Variants in ETV1 observed in about 807,000 individuals in gnomAD.
ETV1 encodes the protein ETS translocation variant 1.
ETV1 carries 27 observed loss-of-function variants against 62.3 expected under a neutral mutation model. The observed-to-expected ratio is 0.43, with a 90% CI of 0.32 to 0.60. The LOEUF (loss-of-function observed/expected upper bound fraction) is 0.60, where lower values mean the gene tolerates loss of function less well. ETV1 is among the 20% of genes least tolerant of loss of function. The pLI is 0.06. For missense variants in ETV1, 605 were observed against 605.8 expected, an observed-to-expected ratio of 1.00 and a Z score of 0.01; for synonymous variants, 222 against 199.6, an observed-to-expected ratio of 1.11 and a Z score of -0.94.
chr7:13,967,282 C>G (rs543989377), intron 6 of ETV1, among the ~76,000 whole-genome samples: 1 of 152,224 alleles, frequency 6.6e-6, no homozygotes, highest in Non-Finnish European at 1.5e-5. Flanking sequence ...TAGGCAATAA[C>G]TAGGAGTAAC....
chr7:13,968,921 T>C (rs1448755445), intron 6 of ETV1, among the ~76,000 whole-genome samples: 1 of 152,150 alleles, frequency 6.6e-6, no homozygotes, highest in Non-Finnish European at 1.5e-5. Flanking sequence ...CAAGAGAGCC[T>C]ACTTGCAAGA....
chr7:13,897,459 G>A (rs1781966636), intron 13 of ETV1, among the ~76,000 whole-genome samples: 1 of 152,180 alleles, frequency 6.6e-6, no homozygotes, highest in Admixed American at 6.5e-5. Context: ...CCACTTTAGA[G>A]AATTCAAATA....
chr7:13,952,109 G>T (rs1315486827), intron 6 of ETV1, among the ~76,000 whole-genome samples: 2 of 152,126 alleles, frequency 1.3e-5, no homozygotes, highest in South Asian at 2.1e-4. Context: ...CCCGACAGAA[G>T]GAAAAAGCGA....
intron 9 of ETV1, 24 bp from the exon 10 acceptor site, chr7:13,911,331 C>A: frequency 3.2e-6 from 5 of 1,568,332 alleles, no homozygotes; most frequent in South Asian, 2.2e-5. Context: ...CAATATTGGT[C>A]AAAAAGAGTC....
chr7:13,938,712 A>G (rs779376494), intron 7 of ETV1, among the ~76,000 whole-genome samples: 38 of 152,344 alleles, frequency 2.5e-4, no homozygotes, highest in Non-Finnish European at 4.7e-4. Context: ...CTCATCTTAC[A>G]GATCATCTGC....
At chr7:13,900,695 G>A (rs1416595131) in intron 13 of ETV1, 43 bp downstream of exon 13, 1 of 1,323,946 alleles carries the variant, frequency 7.6e-7, no homozygotes, top group South Asian at 1.3e-5. Context: ...TCAGATTAAT[G>A]TGCAACATTT....
At chr7:13,929,060 A>G (rs1785776805) in intron 9 of ETV1, among the ~76,000 whole-genome samples, 1 of 152,266 alleles carries the variant, frequency 6.6e-6, no homozygotes, top group African/African-American at 2.4e-5. Context: ...ATTTCCACAT[A>G]AAGTTTCTTG....
At chr7:13,896,727 AAG>A (rs1195107798) in intron 13 of ETV1, among the ~76,000 whole-genome samples, 22 of 51,360 alleles carry the variant, frequency 4.3e-4, no homozygotes, top group Admixed American at 5.7e-4. Flanking sequence ...GAGAAAGAAA[AAG>A]AAAAAGAAAG....
At chr7:13,971,932 T>C (rs1396696450) in intron 6 of ETV1, among the ~76,000 whole-genome samples, 1 of 151,856 alleles carries the variant, frequency 6.6e-6, no homozygotes, top group African/African-American at 2.4e-5. Flanking sequence ...ACAACAATAG[T>C]GAAACTCCGT....
At chr7:13,964,585 A>C (rs546853308) in intron 6 of ETV1, among the ~76,000 whole-genome samples, 20 of 152,318 alleles carry the variant, frequency 1.3e-4, no homozygotes, top group Middle Eastern at 3.4e-3. Context: ...AAACGAGACA[A>C]AACCTGGCAT....
intron 6 of ETV1, among the ~76,000 whole-genome samples, chr7:13,944,463 C>A (rs1180700866): frequency 6.6e-6 from 1 of 152,134 alleles, no homozygotes; most frequent in Non-Finnish European, 1.5e-5. Flanking sequence ...CCCATTGGCT[C>A]CATCTTCATA....
intron 12 of ETV1, among the ~76,000 whole-genome samples, chr7:13,905,493 A>G (rs1019915771): frequency 6.6e-6 from 1 of 152,190 alleles, no homozygotes; most frequent in African/African-American, 2.4e-5. Flanking sequence ...AGACACAACA[A>G]TTTGATATTA....
chr7:13,930,864 G>C (rs946523998), intron 9 of ETV1, among the ~76,000 whole-genome samples: 1 of 150,826 alleles, frequency 6.6e-6, no homozygotes, highest in Non-Finnish European at 1.5e-5. Context: ...GCAGTGGTGC[G>C]ATCTCGGCTC....
chr7:13,895,382 A>G lies in ETV1; in HGVS notation c.*484T>C, dbSNP rs6967810. On this transcript the variant is annotated 3_prime_UTR_variant, in exon 14 of 14. Transcript: ENST00000430479. The stretch of plus-strand genomic sequence containing the variant: ...ACAATTAAACTGCCATTTACAGTAG[A>G]TTGGGGTTTTTTTGTACACCTGCAG... The G allele has an allele frequency of 6.9e-3, 1,631 of 235,562 alleles. 19 individuals are homozygous for G. The highest frequency in any genetic ancestry group is 0.028 in the African/African-American group (1,282 of 45,488). 14.6% of individuals were successfully genotyped at this position (235,562 alleles called of 1,614,324 possible). A position where few individuals can be genotyped will look rare whatever the true frequency, so the allele number is the denominator to read the frequency against.
Position 13,988,143 on chromosome 7 carries a change from G to T in ETV1, c.76C>A (p.Pro26Thr), listed in dbSNP as rs747119926. Residue 26 changes from proline (P) to threonine (T), a missense_variant, in exon 4 of 14, where the codon CCA becomes ACA. Pro to Thr is a conservative substitution (Grantham distance 38). Around this residue, in one of 3 missense-constraint regions of ETV1, gnomAD observed 426 missense variants for 377.8 expected, o/e 1.13. Transcript: ENST00000430479. ...SQRGRNCNEK[P>T]TNVRKRKFIN... Reference sequence around the variant, plus strand: ...AATTTTCTTTTCCTGACATTTGTTGGTTTCTCGTTACAATTTCTCCCACGC... The same window carrying T: ...AATTTTCTTTTCCTGACATTTGTTGTTTTCTCGTTACAATTTCTCCCACGC... 9 of 1,612,298 alleles carry T rather than the reference G, an allele frequency of 5.6e-6. No homozygotes were observed. The highest frequency in any genetic ancestry group is 7.6e-6 in the Non-Finnish European group (9 of 1,178,520).
chr7:13,935,053 T>C (rs1373982136), intron 8 of ETV1, among the ~76,000 whole-genome samples: 1 of 152,196 alleles, frequency 6.6e-6, no homozygotes, highest in African/African-American at 2.4e-5. Context: ...TTTACTTAAA[T>C]ATGAATTTCT....
chr7:13,945,312 T>G (rs1788023192), intron 6 of ETV1, among the ~76,000 whole-genome samples: 1 of 152,150 alleles, frequency 6.6e-6, no homozygotes, highest in Admixed American at 6.5e-5. Context: ...AGCAACATCT[T>G]CCTTTTCCTT....
intron 11 of ETV1, among the ~76,000 whole-genome samples, chr7:13,908,725 A>T (rs1247058062): frequency 6.6e-6 from 1 of 152,094 alleles, no homozygotes; most frequent in Non-Finnish European, 1.5e-5. Context: ...CCAAGCAACT[A>T]ATTAGAAATT....
intron 6 of ETV1, among the ~76,000 whole-genome samples, chr7:13,974,681 T>C (rs1274719902): frequency 6.6e-6 from 1 of 152,244 alleles, no homozygotes; most frequent in Non-Finnish European, 1.5e-5. Flanking sequence ...TTGAGGTTTA[T>C]TGTAAAGAAC....
Sources: gnomAD v4.1 joint callset for allele counts (sites outside exome capture counted in the v4.1 genomes callset) on GRCh38, gnomAD v4.1.1 for gene constraint, gnomAD v4.1.1 regional missense constraint, MANE v1.5 for transcripts, NCBI Gene and HGNC (gene_info 2026-07-23, HGNC 2026-07-21) for gene names.